The following MAD1L1 variants were observed in gnomAD, a reference collection of about 807,000 sequenced individuals.
MAD1L1 encodes mitotic spindle assembly checkpoint protein MAD1.
MAD1L1 carries 95 observed loss-of-function variants against 96.9 expected under a neutral mutation model. The observed-to-expected ratio is 0.98, with a 90% CI of 0.83 to 1.16. The LOEUF (loss-of-function observed/expected upper bound fraction) is 1.16. Among genes scored for constraint, MAD1L1 ranks in the 50% most tolerant of loss-of-function variants. The pLI, the probability that MAD1L1 is intolerant of heterozygous loss-of-function variation, is 0.00. For synonymous variants in MAD1L1, 473 were observed against 396.6 expected, an observed-to-expected ratio of 1.19 and a Z score of -2.29; for missense variants, 1,007 against 954.4, an observed-to-expected ratio of 1.06 and a Z score of -0.73.
At chr7:1,942,779 C>T (rs1232077813) in intron 16 of MAD1L1, among the ~76,000 whole-genome samples, 1 of 152,172 alleles carries the variant, frequency 6.6e-6, no homozygotes, top group Non-Finnish European at 1.5e-5. Context: ...AACTGATAAG[C>T]TGATTCTGAA....
chr7:2,164,605 G>A (rs887756963), intron 10 of MAD1L1, among the ~76,000 whole-genome samples: 2 of 143,184 alleles, frequency 1.4e-5, no homozygotes, highest in Admixed American at 7.0e-5. Flanking sequence ...GGGGGGGGGG[G>A]GGTTGCGGGT....
intron 4 of MAD1L1, among the ~76,000 whole-genome samples, 154 bp from the exon 5 acceptor site, chr7:2,222,908 C>G (rs1467548626): frequency 6.6e-6 from 1 of 152,238 alleles, no homozygotes; most frequent in Non-Finnish European, 1.5e-5. Context: ...AGGACGGGAC[C>G]TGGGACCCAG....
chr7:1,976,905 C>T (rs1780669979), intron 15 of MAD1L1, among the ~76,000 whole-genome samples: 1 of 152,064 alleles, frequency 6.6e-6, no homozygotes, highest in Non-Finnish European at 1.5e-5. Context: ...CAAGTCCCCA[C>T]CAGATTACCT....
chr7:2,011,607 CCTCTCCCAGG>C lies in MAD1L1; in HGVS notation c.1359+2885_1359+2894del, dbSNP rs561003025. On this transcript the variant is annotated intron_variant, in intron 13 of 18. Transcript: ENST00000265854. ...CCGCTGAGGCAGAAAGGCAGGGACA[CCTCTCCCAGG>C]CTCCTGGGAGGAAAGAGCTGACGCG... Among the ~76,000 whole-genome samples the C allele has an allele frequency of 2.8e-3, 429 of 152,314 alleles. 3 individuals are homozygous for C. Among genetic ancestry groups the C allele is most frequent in the African/African-American group, 9.6e-3 (400 of 41,574 alleles).
intron 10 of MAD1L1, chr7:2,193,587 A>C (rs184381123): frequency 6.6e-6 from 1 of 152,290 alleles, no homozygotes; most frequent in African/African-American, 2.4e-5. Context: ...CCAGAAAAAA[A>C]GGCGAGACAG....
At chr7:1,933,915 CA>C (rs1789626525) in intron 17 of MAD1L1, among the ~76,000 whole-genome samples, 1 of 152,186 alleles carries the variant, frequency 6.6e-6, no homozygotes. Flanking sequence ...AGGTGTAACT[CA>C]GGCGGGTTCT....
At chr7:1,906,977 C>A (rs548831003) in intron 17 of MAD1L1, among the ~76,000 whole-genome samples, 171 of 152,198 alleles carry the variant, frequency 1.1e-3, no homozygotes, top group African/African-American at 4.0e-3. Context: ...AGATGAAAAG[C>A]CCTTAAAATC....
intron 16 of MAD1L1, among the ~76,000 whole-genome samples, chr7:1,956,295 T>C (rs1393758686): frequency 6.6e-6 from 1 of 152,054 alleles, no homozygotes; most frequent in Non-Finnish European, 1.5e-5. Flanking sequence ...TGGAGGGCTG[T>C]CTGGAAGTTT....
intron 15 of MAD1L1, among the ~76,000 whole-genome samples, chr7:1,972,056 A>T (rs1410582442): frequency 1.3e-5 from 2 of 152,164 alleles, no homozygotes; most frequent in Non-Finnish European, 2.9e-5. Flanking sequence ...GACAACTAAC[A>T]TGGGTACAAT....
In MAD1L1 at chr7:1,904,847, G is replaced by A. The variant is rs1286035561; in HGVS notation, c.1808-6457C>T. On this transcript the variant is annotated intron_variant, in intron 17 of 18. Coordinates refer to ENST00000265854, the MANE Select transcript of MAD1L1 (RefSeq NM_001013836.2). Reference sequence around the variant, plus strand: ...GGCAAGCGAGGACGCAGTGGCCTATGGAAGACGCTCTTGCAGAACTCATGA... The same window carrying A: ...GGCAAGCGAGGACGCAGTGGCCTATAGAAGACGCTCTTGCAGAACTCATGA... 2.5e-5 allele frequency among the ~76,000 whole-genome samples: 3 copies of A among 122,340 alleles called. 1 individual carries two copies. The highest frequency in any genetic ancestry group is 1.1e-4 in the African/African-American group (3 of 26,664). 80.3% of individuals were successfully genotyped at this position (122,340 alleles called of 152,430 possible). A position where few individuals can be genotyped will look rare whatever the true frequency, so the allele number is the denominator to read the frequency against.
chr7:1,839,721 T>C (rs534754035), intron 18 of MAD1L1, among the ~76,000 whole-genome samples: 2 of 152,180 alleles, frequency 1.3e-5, no homozygotes, highest in South Asian at 4.2e-4. Context: ...GCCCAGGCCC[T>C]TCAGTTAGAA....
chr7:2,037,012 C>T (rs998617918), intron 12 of MAD1L1, among the ~76,000 whole-genome samples: 1 of 150,830 alleles, frequency 6.6e-6, no homozygotes, highest in Non-Finnish European at 1.5e-5. Context: ...TGCCCACCCA[C>T]GCGCAGAAGA....
chr7:1,921,550 C>A lies in MAD1L1; in HGVS notation c.1807+15137G>T, dbSNP rs541990363. ...GTTGGCCAGGCTGGTCTTGAACTCC[C>A]GACCTCAGGTGATCCACCCGCCTCA... On this transcript the variant is annotated intron_variant, in intron 17 of 18. Coordinates refer to ENST00000265854, the MANE Select transcript of MAD1L1 (RefSeq NM_001013836.2). Among the ~76,000 whole-genome samples, 3 of 152,160 alleles carry A rather than the reference C, an allele frequency of 2.0e-5. No individual in the cohort carries two copies. The East Asian group carries it at 5.8e-4, about 29-fold the overall frequency.
rs1787586957 is a variant in MAD1L1, at chr7:1,905,735, C to G, written c.1808-7345G>C. 1.3e-5 allele frequency among the ~76,000 whole-genome samples: 2 copies of G among 152,202 alleles called. 1 individual carries two copies. Among genetic ancestry groups the G allele is most frequent in the Admixed American group, 1.3e-4 (2 of 15,280 alleles). ...TGAGTGAGGCCGGCCTGACCCCCAT[C>G]TGTGTCCTGGGATGATTTTAAGAGG... On this transcript the variant is annotated intron_variant, in intron 17 of 18. Transcript: ENST00000265854.
chr7:2,031,068 G>C (rs1474458653), intron 12 of MAD1L1, among the ~76,000 whole-genome samples: 2 of 152,186 alleles, frequency 1.3e-5, no homozygotes, highest in Non-Finnish European at 2.9e-5. Flanking sequence ...CCAGCCTTCA[G>C]CAGCATCCTC....
chr7:2,020,380 T>C (rs1298497349), intron 12 of MAD1L1, among the ~76,000 whole-genome samples: 3 of 152,166 alleles, frequency 2.0e-5, no homozygotes, highest in Admixed American at 1.3e-4. Flanking sequence ...CCCGGCACCA[T>C]GCGGCCCCCA....
At chr7:2,025,627 G>C (rs1259870686) in intron 12 of MAD1L1, among the ~76,000 whole-genome samples, 2 of 152,160 alleles carry the variant, frequency 1.3e-5, no homozygotes, top group African/African-American at 2.4e-5. Flanking sequence ...GAATAAAAAG[G>C]GTTAGAAATG....
chr7:2,007,649 G>A (rs940332790), intron 13 of MAD1L1, among the ~76,000 whole-genome samples: 4 of 152,176 alleles, frequency 2.6e-5, no homozygotes, highest in East Asian at 1.9e-4. Context: ...ATTCCAGCCC[G>A]GGCGACTGAG....
chr7:2,096,836 A>G (rs2128548470), intron 11 of MAD1L1, among the ~76,000 whole-genome samples: 1 of 152,232 alleles, frequency 6.6e-6, no homozygotes, highest in Middle Eastern at 3.4e-3. Context: ...CCCATGGTAC[A>G]GCCCGACAGC....
Sources: gnomAD v4.1 joint callset for allele counts (sites outside exome capture counted in the v4.1 genomes callset) on GRCh38, gnomAD v4.1.1 for gene constraint, MANE v1.5 for transcripts, NCBI Gene and HGNC (gene_info 2026-07-23, HGNC 2026-07-21) for gene names.